The following RGS7 variants were observed in gnomAD, a reference collection of about 807,000 sequenced individuals.
RGS7 encodes regulator of G protein signaling 7, also known as regulator of G-protein signaling 7.
Under a neutral mutation model 81.1 loss-of-function variants are expected in RGS7, and 27 were observed. That is an observed-to-expected ratio of 0.33 (90% CI 0.25 to 0.46). The LOEUF is 0.46. Ranked by LOEUF, RGS7 falls within the 20% of genes least tolerant of loss-of-function variation. The pLI, the probability that RGS7 is intolerant of heterozygous loss-of-function variation, is 1.00. For synonymous variants in RGS7, 208 were observed against 207.7 expected, an observed-to-expected ratio of 1.00 and a Z score of -0.01; for missense variants, 396 against 607.4, an observed-to-expected ratio of 0.65 and a Z score of 3.66.
intron 2 of RGS7, among the ~76,000 whole-genome samples, chr1:241,118,288 C>T (rs143439425): frequency 0.014 from 2,175 of 152,186 alleles, 30 homozygotes; most frequent in Non-Finnish European, 0.02. Context: ...TTAAACAAAC[C>T]AACCAATCAC....
intron 2 of RGS7, among the ~76,000 whole-genome samples, chr1:241,317,495 C>T (rs554589767): frequency 1.7e-4 from 26 of 152,230 alleles, no homozygotes; most frequent in East Asian, 1.9e-4. Flanking sequence ...TCTTTTCTTA[C>T]GTCTCCCTAT....
chr1:241,298,185 A>G (rs931583405), intron 2 of RGS7, among the ~76,000 whole-genome samples: 1 of 151,872 alleles, frequency 6.6e-6, no homozygotes, highest in African/African-American at 2.4e-5. Context: ...GTGACCAGTG[A>G]GATACAAAAG....
chr1:240,809,295 A>AT (rs1372429965), intron 14 of RGS7, among the ~76,000 whole-genome samples: 3 of 152,074 alleles, frequency 2.0e-5, no homozygotes, highest in African/African-American at 7.2e-5. Context: ...AGTGCTTCTT[A>AT]TTTTTTTCCT....
chr1:241,242,555 T>C (rs1342399329), intron 2 of RGS7, among the ~76,000 whole-genome samples: 1 of 152,206 alleles, frequency 6.6e-6, no homozygotes, highest in Non-Finnish European at 1.5e-5. Flanking sequence ...ATCTCCACAC[T>C]GTTTTCCATA....
intron 3 of RGS7, among the ~76,000 whole-genome samples, chr1:240,992,541 A>C (rs914732836): frequency 3.4e-4 from 52 of 152,104 alleles, no homozygotes; most frequent in African/African-American, 1.2e-3. Flanking sequence ...ACAGAACTAC[A>C]GCTAAGGCCA....
intron 2 of RGS7, among the ~76,000 whole-genome samples, chr1:241,136,550 C>T (rs1444931624): frequency 3.3e-5 from 5 of 152,248 alleles, no homozygotes; most frequent in Middle Eastern, 3.4e-3. Context: ...CGTGGCACTG[C>T]GCACCGATCT....
chr1:240,906,203 C>T (rs1458019601), intron 6 of RGS7, among the ~76,000 whole-genome samples: 3 of 152,084 alleles, frequency 2.0e-5, no homozygotes, highest in South Asian at 2.1e-4. Context: ...GGTGGTGAAA[C>T]GATTCTCTTT....
chr1:241,081,685 C>A (rs1005045989), intron 3 of RGS7, among the ~76,000 whole-genome samples: 1 of 152,172 alleles, frequency 6.6e-6, no homozygotes, highest in Non-Finnish European at 1.5e-5. Flanking sequence ...AAGTTCATTC[C>A]TATGATTCTT....
chr1:240,933,854 CAT>C (rs1006698398), intron 5 of RGS7, among the ~76,000 whole-genome samples: 7 of 152,088 alleles, frequency 4.6e-5, no homozygotes, highest in East Asian at 1.9e-4. Flanking sequence ...TAAAAAATCA[CAT>C]GATTAAGACA....
intron 2 of RGS7, among the ~76,000 whole-genome samples, chr1:241,183,760 T>C (rs764229162): frequency 6.6e-6 from 1 of 152,146 alleles, no homozygotes; most frequent in Non-Finnish European, 1.5e-5. Context: ...AGTAAAACAG[T>C]GGAATGCACT....
intron 2 of RGS7, among the ~76,000 whole-genome samples, chr1:241,200,999 A>G (rs1378516074): frequency 2.6e-5 from 4 of 152,104 alleles, no homozygotes; most frequent in African/African-American, 7.2e-5. Context: ...ATCAGTCCCA[A>G]TCTATCAAAA....
At chr1:241,316,818 A>T (rs1046523839) in intron 2 of RGS7, among the ~76,000 whole-genome samples, 1 of 152,214 alleles carries the variant, frequency 6.6e-6, no homozygotes, top group Non-Finnish European at 1.5e-5. Flanking sequence ...TTTTCAGAAG[A>T]TGAATGTCAA....
At chr1:241,071,436 A>G (rs2062433837) in intron 3 of RGS7, among the ~76,000 whole-genome samples, 1 of 152,086 alleles carries the variant, frequency 6.6e-6, no homozygotes, top group Non-Finnish European at 1.5e-5. Context: ...GCCTTAGAGA[A>G]CATGTATGAG....
chr1:240,833,264 A>G (rs1694145386), intron 9 of RGS7, among the ~76,000 whole-genome samples: 1 of 152,180 alleles, frequency 6.6e-6, no homozygotes, highest in Non-Finnish European at 1.5e-5. Context: ...TGCTGGACAA[A>G]GGGGTGACTC....
At chr1:241,020,886 A>G (rs2148693932) in intron 3 of RGS7, among the ~76,000 whole-genome samples, 1 of 152,316 alleles carries the variant, frequency 6.6e-6, no homozygotes, top group East Asian at 1.9e-4. Flanking sequence ...GGGGATCACA[A>G]TATTTTATCC....
At chr1:240,854,688 T>C (rs1660749602) in intron 9 of RGS7, among the ~76,000 whole-genome samples, 1 of 152,216 alleles carries the variant, frequency 6.6e-6, no homozygotes. Flanking sequence ...AGGCTAATCT[T>C]ACTCCTTTTT....
chr1:240,813,542 C>A (rs1690264213), intron 13 of RGS7, 76 bp downstream of exon 13: 3 of 875,912 alleles, frequency 3.4e-6, no homozygotes, highest in South Asian at 1.4e-5. Context: ...AATTAGCCAA[C>A]AATAAAATCC....
intron 2 of RGS7, among the ~76,000 whole-genome samples, chr1:241,351,661 G>A (rs529877368): frequency 2.0e-5 from 3 of 152,104 alleles, no homozygotes; most frequent in Admixed American, 6.5e-5. Context: ...AAAAACAAAC[G>A]AATGCAAAGC....
Position 241,172,179 on chromosome 1 carries a change from CT to C in RGS7, c.79-73418del, listed in dbSNP as rs561286456. Among the ~76,000 whole-genome samples the C allele has an allele frequency of 1.3e-4, 20 of 152,230 alleles. No individual in the cohort carries two copies. In the South Asian group the frequency reaches 3.9e-3, roughly 30 times the overall value. On this transcript the variant is annotated intron_variant, in intron 2 of 18. Transcript: ENST00000440928. Reference sequence around the variant, plus strand: ...GCAGTCATTCTGTGTTGTCAAGGCACTTTTTGATTTTTGTCTTCTGTTTCCT... The same window carrying C: ...GCAGTCATTCTGTGTTGTCAAGGCACTTTTGATTTTTGTCTTCTGTTTCCT...
Sources: allele counts gnomAD v4.1 joint callset (sites outside exome capture counted in the v4.1 genomes callset), GRCh38; gene constraint gnomAD v4.1.1; transcripts MANE v1.5; gene names NCBI Gene and HGNC (gene_info 2026-07-23, HGNC 2026-07-21).